The following ZNG1A variants were observed in gnomAD, a reference collection of about 807,000 sequenced individuals.
ZNG1A encodes zinc-regulated GTPase metalloprotein activator 1A.
chr9:121,573 C>G, the ZNG1A span: 1 of 1,606,192 alleles, frequency 6.2e-7, no homozygotes, highest in Non-Finnish European at 8.5e-7. Context: ...TAAATTTCTG[C>G]CTGCAAACAA....
chr9:145,607 G>C, the ZNG1A span, among the ~76,000 whole-genome samples: 1 of 150,320 alleles, frequency 6.7e-6, no homozygotes, highest in Non-Finnish European at 1.5e-5. Flanking sequence ...TAGATGACGA[G>C]TCAGTGGGTG....
the ZNG1A span, chr9:177,738 G>A: frequency 2.0e-6 from 3 of 1,535,374 alleles, no homozygotes; most frequent in African/African-American, 4.2e-5. Context: ...AGCAATACGG[G>A]AAAGGCCCGA....
At chr9:140,653 C>A in the ZNG1A span, among the ~76,000 whole-genome samples, 21 of 151,966 alleles carry the variant, frequency 1.4e-4, no homozygotes, top group African/African-American at 4.4e-4. Context: ...TCCAAAGGAA[C>A]GCAGCTCCTC....
At chr9:138,873 C>A in the ZNG1A span, among the ~76,000 whole-genome samples, 588 of 149,644 alleles carry the variant, frequency 3.9e-3, 5 homozygotes, top group African/African-American at 0.014. Flanking sequence ...CACTGCACTC[C>A]AGCCTGAGTG....
chr9:164,184 T>C, the ZNG1A span: 1 of 999,332 alleles, frequency 1.0e-6, no homozygotes, highest in Non-Finnish European at 1.4e-6. Context: ...GCTTTAACTA[T>C]TTATAGCAAA....
At chr9:160,127 G>A in the ZNG1A span, 39 of 454,544 alleles carry the variant, frequency 8.6e-5, no homozygotes, top group Non-Finnish European at 1.3e-5. Flanking sequence ...ATTTTAAGTT[G>A]TCCAATTCTT....
chr9:161,415 C>G, the ZNG1A span, among the ~76,000 whole-genome samples: 1 of 149,506 alleles, frequency 6.7e-6, no homozygotes, highest in Admixed American at 6.7e-5. Context: ...TTGCAGTGAG[C>G]CAAGATGGTG....
At chr9:139,967 C>A in the ZNG1A span, among the ~76,000 whole-genome samples, 380 of 150,528 alleles carry the variant, frequency 2.5e-3, 21 homozygotes, top group African/African-American at 9.1e-3. Flanking sequence ...GCTTAAAAAA[C>A]GGCGCACCAC....
At chr9:129,727 C>T in the ZNG1A span, among the ~76,000 whole-genome samples, 42,154 of 149,822 alleles carry the variant, frequency 0.28, 7,217 homozygotes, top group African/African-American at 0.41. Flanking sequence ...TGAAAAGGTC[C>T]AGAGGTCTGC....
chr9:128,734 G>A, the ZNG1A span, among the ~76,000 whole-genome samples: 2 of 150,124 alleles, frequency 1.3e-5, no homozygotes, highest in African/African-American at 5.0e-5. Context: ...GGGATTTTTT[G>A]GGGGGTGTTA....
chr9:163,273 G>C, the ZNG1A span, among the ~76,000 whole-genome samples: 2 of 151,616 alleles, frequency 1.3e-5, no homozygotes, highest in East Asian at 3.9e-4. Context: ...AATAAAGTAA[G>C]ACAGGAGTGT....
the ZNG1A span, among the ~76,000 whole-genome samples, chr9:126,590 T>C: frequency 6.6e-6 from 1 of 152,158 alleles, no homozygotes; most frequent in African/African-American, 2.4e-5. Flanking sequence ...ATTTGGATTT[T>C]CTCTCTTTTC....
At chr9:136,830 G>A in the ZNG1A span, among the ~76,000 whole-genome samples, 1 of 152,010 alleles carries the variant, frequency 6.6e-6, no homozygotes, top group Non-Finnish European at 1.5e-5. Flanking sequence ...TTGAGGCCAG[G>A]AGTTCAAGAC....
At chr9:150,387 A>T in the ZNG1A span, 1 of 968,772 alleles carries the variant, frequency 1.0e-6, no homozygotes. Context: ...TGGCCTCCCA[A>T]AGTGCTGGGA....
At chr9:155,982 ATGC>A in the ZNG1A span, among the ~76,000 whole-genome samples, 1 of 150,722 alleles carries the variant, frequency 6.6e-6, no homozygotes, top group Non-Finnish European at 1.5e-5. Flanking sequence ...TAAAAAAAAA[ATGC>A]AAAAATTAGC....
the ZNG1A span, among the ~76,000 whole-genome samples, chr9:177,279 C>T: frequency 5.3e-5 from 8 of 152,044 alleles, no homozygotes; most frequent in African/African-American, 1.9e-4. Context: ...AAAGGTGTGA[C>T]GCAGTCGGAT....
chr9:162,659 T>C, the ZNG1A span, among the ~76,000 whole-genome samples: 2 of 150,120 alleles, frequency 1.3e-5, no homozygotes, highest in East Asian at 1.9e-4. Flanking sequence ...AGTCAATGCA[T>C]TTCCTGAGTG....
At chr9:170,953 CTA>C in the ZNG1A span, among the ~76,000 whole-genome samples, 39 of 145,046 alleles carry the variant, frequency 2.7e-4, no homozygotes, top group African/African-American at 9.8e-4. Flanking sequence ...AAGTTTTTGT[CTA>C]TAAAATGGCA....
chr9:157,391 C>T, the ZNG1A span, among the ~76,000 whole-genome samples: 1 of 134,070 alleles, frequency 7.5e-6, no homozygotes, highest in African/African-American at 2.9e-5. Flanking sequence ...TACCTCAAAC[C>T]TCAATAGAGG....
Sources: allele counts gnomAD v4.1 joint callset (sites outside exome capture counted in the v4.1 genomes callset), GRCh38; gene constraint gnomAD v4.1.1; transcripts MANE v1.5; gene names NCBI Gene and HGNC (gene_info 2026-07-23, HGNC 2026-07-21).